The following TPM1 variants were observed in gnomAD, a reference collection of about 807,000 sequenced individuals.
TPM1 encodes the protein tropomyosin 1, also known as tropomyosin alpha-1 chain.
TPM1 carries 24 observed loss-of-function variants against 42.9 expected under a neutral mutation model. That is an observed-to-expected ratio of 0.56 (90% CI 0.41 to 0.79). The LOEUF (loss-of-function observed/expected upper bound fraction) is 0.79, where lower values mean the gene tolerates loss of function less well. Ranked by LOEUF, TPM1 falls within the 30% of genes least tolerant of loss-of-function variation. The pLI is 0.00. For missense variants in TPM1, 158 were observed against 351.8 expected, an observed-to-expected ratio of 0.45 and a Z score of 4.41; for synonymous variants, 136 against 130.1, an observed-to-expected ratio of 1.05 and a Z score of -0.31.
intron 6 of TPM1, 131 bp downstream of exon 6, chr15:63,061,919 T>A (rs1449065248): frequency 1.2e-6 from 1 of 815,754 alleles, no homozygotes; most frequent in Admixed American, 2.3e-5. Flanking sequence ...TTTGGAGAGT[T>A]ACTAGATAAC....
chr15:63,053,985 T>C (rs891294875), intron 2 of TPM1, among the ~76,000 whole-genome samples: 1 of 151,492 alleles, frequency 6.6e-6, no homozygotes, highest in Admixed American at 6.6e-5. Context: ...AGCTGAAAGT[T>C]TTTTTTTTAA....
intron 2 of TPM1, chr15:63,045,410 C>CT (rs2032180577): frequency 6.6e-6 from 1 of 152,200 alleles, no homozygotes; most frequent in Non-Finnish European, 1.5e-5. Flanking sequence ...AACTACCTGG[C>CT]TTTGGAAAAA....
chr15:63,043,921 C>A, intron 1 of TPM1, 106 bp from the exon 2 acceptor site: 1 of 1,555,112 alleles, frequency 6.4e-7, no homozygotes. Context: ...TCTGTCTCTC[C>A]CGCTGTCCCT....
At chr15:63,060,761 T>C in intron 4 of TPM1, 108 bp from the exon 5 acceptor site, 1 of 1,218,664 alleles carries the variant, frequency 8.2e-7, no homozygotes, top group Non-Finnish European at 1.2e-6. Flanking sequence ...ATATTGTTTG[T>C]AGACAAAACC....
chr15:63,063,996 C>T (rs2035986020), intron 8 of TPM1, 68 bp from the exon 9 acceptor site: 1 of 1,598,854 alleles, frequency 6.3e-7, no homozygotes, highest in Non-Finnish European at 8.5e-7. Flanking sequence ...GCACCACCCT[C>T]ACTCACCCTC....
At chr15:63,065,807 T>G in intron 9 of TPM1, 89 bp from the exon 10 acceptor site, 1 of 1,463,108 alleles carries the variant, frequency 6.8e-7, no homozygotes, top group Non-Finnish European at 9.3e-7. Context: ...TTTCAAGTGC[T>G]CTCATCTATT....
At position 63,042,899 on chromosome 15, in the gene TPM1, C is replaced by T. The variant is rs2031433492; in HGVS notation, c.70C>T (p.Gln24Ter). ...DKENALDRAE[Q>*]AEADKKAAED... ...GGAGAACGCCTTGGATCGAGCTGAGCAGGCGGAGGCCGACAAGAAGGCGGC... is the reference window on the plus strand; with the variant it reads ...GGAGAACGCCTTGGATCGAGCTGAGTAGGCGGAGGCCGACAAGAAGGCGGC... The change falls in exon 1 of 10, where the codon CAG (glutamine) becomes TAG (stop). Residue 24 changes from glutamine to a stop codon, truncating the protein, a stop_gained. Transcript: ENST00000403994. LOFTEE classifies it high-confidence loss of function. 1 of 1,611,828 alleles carries T rather than the reference C, an allele frequency of 6.2e-7. No individual in the cohort carries two copies. The highest frequency in any genetic ancestry group is 2.2e-5 in the East Asian group (1 of 44,776).
At chr15:63,052,472 G>A (rs759335852) in intron 2 of TPM1, among the ~76,000 whole-genome samples, 19 of 152,138 alleles carry the variant, frequency 1.2e-4, no homozygotes, top group Non-Finnish European at 1.9e-4. Context: ...GCAGTGAGCC[G>A]AGGTCATGCC....
At chr15:63,049,546 TTG>T (rs140301012) in intron 2 of TPM1, among the ~76,000 whole-genome samples, 1,547 of 152,208 alleles carry the variant, frequency 0.01, 19 homozygotes, top group African/African-American at 0.035. Context: ...TTTGTCGATT[TTG>T]TGTGTGTGTG....
At chr15:63,044,320 C>A in intron 2 of TPM1, 168 bp downstream of exon 2, 1 of 919,176 alleles carries the variant, frequency 1.1e-6, no homozygotes, top group South Asian at 1.4e-5. Context: ...TGCTACTGCA[C>A]ACATTCATTT....
intron 2 of TPM1, chr15:63,048,407 C>T: frequency 1.5e-6 from 2 of 1,359,144 alleles, no homozygotes; most frequent in Non-Finnish European, 1.9e-6. Flanking sequence ...GCCCTGGAGG[C>T]TGCGACTTCC....
intron 8 of TPM1, chr15:63,063,420 T>C (rs1423373209): frequency 1.0e-6 from 1 of 973,038 alleles, no homozygotes; most frequent in African/African-American, 1.8e-5. Context: ...AAAACTAAGT[T>C]GCAGACTTGC....
intron 2 of TPM1, chr15:63,056,560 G>A (rs950946713): frequency 2.5e-5 from 6 of 235,700 alleles, no homozygotes; most frequent in South Asian, 1.6e-4. Flanking sequence ...CCAACTACTC[G>A]GGAGGCTGAG....
intron 3 of TPM1, among the ~76,000 whole-genome samples, chr15:63,058,843 A>G (rs1030120778): frequency 1.3e-4 from 20 of 152,186 alleles, no homozygotes; most frequent in African/African-American, 4.8e-4. Flanking sequence ...TTTCTGAAAC[A>G]TTACACCACG....
At chr15:63,054,216 C>G (rs141331112) in intron 2 of TPM1, among the ~76,000 whole-genome samples, 2 of 152,238 alleles carry the variant, frequency 1.3e-5, no homozygotes, top group African/African-American at 4.8e-5. Flanking sequence ...CATGCCCAGT[C>G]GTTGCTGGGG....
intron 3 of TPM1, among the ~76,000 whole-genome samples, chr15:63,057,867 C>G (rs1487375704): frequency 6.6e-6 from 1 of 152,184 alleles, no homozygotes; most frequent in African/African-American, 2.4e-5. Flanking sequence ...AGAGAGACTC[C>G]ATGAGGTGAG....
chr15:63,051,598 C>T (rs1048776878), intron 2 of TPM1, among the ~76,000 whole-genome samples: 3 of 151,948 alleles, frequency 2.0e-5, no homozygotes, highest in Non-Finnish European at 4.4e-5. Flanking sequence ...GCTGTGGTCA[C>T]TTGGCCTTAC....
At chr15:63,061,033 C>A in intron 5 of TPM1, 94 bp downstream of exon 5, 1 of 1,526,996 alleles carries the variant, frequency 6.5e-7, no homozygotes, top group Non-Finnish European at 9.0e-7. Context: ...TTACCTGTTT[C>A]AGCTCCGGGC....
chr15:63,070,883 G>T, downstream of TPM1: 2 of 1,359,106 alleles, frequency 1.5e-6, no homozygotes, highest in Non-Finnish European at 1.9e-6. Flanking sequence ...TGCTCTGTGA[G>T]AATCCGTGCC....
Sources: gnomAD v4.1 joint callset for allele counts (sites outside exome capture counted in the v4.1 genomes callset) on GRCh38, gnomAD v4.1.1 for gene constraint, MANE v1.5 for transcripts, NCBI Gene and HGNC (gene_info 2026-07-23, HGNC 2026-07-21) for gene names.